The following BBOX1 variants were observed in gnomAD, a reference collection of about 807,000 sequenced individuals.
BBOX1 encodes the protein gamma-butyrobetaine hydroxylase 1, also known as gamma-butyrobetaine dioxygenase.
In BBOX1, 35 loss-of-function variants were observed where a neutral mutation model predicts 41.6. The ratio of observed to expected loss-of-function variants is 0.84; its 90% CI spans 0.64 to 1.11. The LOEUF is 1.11. Among genes scored for constraint, BBOX1 ranks in the 50% most tolerant of loss-of-function variants. The pLI, the probability that BBOX1 is intolerant of heterozygous loss-of-function variation, is 0.00. For missense variants in BBOX1, 458 were observed against 460.6 expected, an observed-to-expected ratio of 0.99 and a Z score of 0.05; for synonymous variants, 163 against 154.7, an observed-to-expected ratio of 1.05 and a Z score of -0.40.
intron 2 of BBOX1, among the ~76,000 whole-genome samples, chr11:27,043,459 C>CAGAATGTGCAGGTTCGGGGTACAT (rs1564948369): frequency 6.6e-6 from 1 of 151,306 alleles, no homozygotes; most frequent in Non-Finnish European, 1.5e-5. Context: ...TTGGGGTACA[C>CAGAATGTGCAGGTTCGGGGTACAT]GTGCAGAATG....
At chr11:27,084,664 C>G (rs7930844) in intron 4 of BBOX1, among the ~76,000 whole-genome samples, 92,110 of 151,976 alleles carry the variant, frequency 0.61, 30,250 homozygotes, top group East Asian at 0.94. Context: ...TGCAGGTGGA[C>G]AGAAGGTCCT....
intron 4 of BBOX1, among the ~76,000 whole-genome samples, chr11:27,077,551 T>C (rs10767603): frequency 0.6 from 89,254 of 149,842 alleles, 29,288 homozygotes; most frequent in East Asian, 0.94. Flanking sequence ...AGTGTGAATC[T>C]CTACACACTA....
Position 27,127,515 on chromosome 11 carries a change from T to A in BBOX1, c.*62T>A. On this transcript the variant is annotated 3_prime_UTR_variant, in exon 9 of 9. Transcript: ENST00000263182. ...CCATATTTTGTGAGATATGGCACAT[T>A]ATTCACAGACCATGATCTTTGTGAT... 6.6e-7 allele frequency: 1 copy of A among 1,509,270 alleles called. No homozygotes were observed. Among genetic ancestry groups the A allele is most frequent in the Non-Finnish European group, 9.0e-7 (1 of 1,114,468 alleles). 93.5% of individuals were successfully genotyped at this position (1,509,270 alleles called of 1,614,324 possible). A position where few individuals can be genotyped will look rare whatever the true frequency, so the allele number is the denominator to read the frequency against.
chr11:27,057,454 G>C (rs1390109694), intron 4 of BBOX1, 139 bp downstream of exon 4: 1 of 665,676 alleles, frequency 1.5e-6, no homozygotes, highest in African/African-American at 1.9e-5. Context: ...TGTATTTAAA[G>C]TTTTACCGAC....
intron 2 of BBOX1, among the ~76,000 whole-genome samples, chr11:27,044,921 T>G (rs995834417): frequency 2.6e-5 from 4 of 152,182 alleles, no homozygotes; most frequent in Non-Finnish European, 1.5e-5. Flanking sequence ...GGCTCTTTTT[T>G]GGTTCCACAT....
intron 4 of BBOX1, among the ~76,000 whole-genome samples, chr11:27,092,572 G>A (rs1258459904): frequency 6.6e-6 from 1 of 151,900 alleles, no homozygotes; most frequent in Non-Finnish European, 1.5e-5. Context: ...CCTTATCTGT[G>A]TGGCGCTCCC....
At chr11:27,064,441 A>G (rs1187701809) in intron 4 of BBOX1, among the ~76,000 whole-genome samples, 1 of 152,186 alleles carries the variant, frequency 6.6e-6, no homozygotes, top group Non-Finnish European at 1.5e-5. Context: ...ATGTTTAAGA[A>G]GCATGTCTTT....
intron 5 of BBOX1, among the ~76,000 whole-genome samples, chr11:27,104,515 A>G (rs1858788192): frequency 6.6e-6 from 1 of 152,148 alleles, no homozygotes; most frequent in Non-Finnish European, 1.5e-5. Flanking sequence ...TTTCACCACT[A>G]TCATTTAAAC....
chr11:27,107,418 A>G (rs1858909517), intron 5 of BBOX1, among the ~76,000 whole-genome samples: 1 of 152,122 alleles, frequency 6.6e-6, no homozygotes, highest in African/African-American at 2.4e-5. Flanking sequence ...TTAAAACAGC[A>G]TCTATGATAA....
At chr11:27,045,438 T>A (rs985783916) in intron 2 of BBOX1, among the ~76,000 whole-genome samples, 3 of 152,212 alleles carry the variant, frequency 2.0e-5, no homozygotes, top group Non-Finnish European at 2.9e-5. Flanking sequence ...TCTTGACTGA[T>A]CACCCTGGCC....
At chr11:27,101,395 C>A (rs901747454) in intron 5 of BBOX1, among the ~76,000 whole-genome samples, 42 of 152,180 alleles carry the variant, frequency 2.8e-4, no homozygotes, top group Admixed American at 8.5e-4. Flanking sequence ...AAAACTAATA[C>A]CCAATTCTTG....
Position 27,097,324 on chromosome 11 carries a change from GAAACAGTTATTGT to G in BBOX1, c.533+3963_533+3975del, listed in dbSNP as rs1167455386. On this transcript the variant is annotated intron_variant, in intron 5 of 8. Coordinates refer to ENST00000263182, the MANE Select transcript of BBOX1 (RefSeq NM_003986.3). ...TTTATGACATGACTTAATCCATTGGGAAACAGTTATTGTAAACTACATTCTATCATACACTGTC... is the reference window on the plus strand; with the variant it reads ...TTTATGACATGACTTAATCCATTGGGAAACTACATTCTATCATACACTGTC... Among the ~76,000 whole-genome samples, 3 of 151,976 alleles carry G rather than the reference GAAACAGTTATTGT, an allele frequency of 2.0e-5. No homozygotes were observed. In the South Asian group the frequency reaches 6.2e-4, roughly 32 times the overall value.
chr11:27,094,558 A>G (rs1392583573), intron 5 of BBOX1, among the ~76,000 whole-genome samples: 1 of 151,980 alleles, frequency 6.6e-6, no homozygotes, highest in African/African-American at 2.4e-5. Context: ...CCAACAATCT[A>G]CTGGATACAA....
At chr11:27,043,757 T>C (rs577655321) in intron 2 of BBOX1, among the ~76,000 whole-genome samples, 1 of 151,004 alleles carries the variant, frequency 6.6e-6, no homozygotes, top group East Asian at 1.9e-4. Context: ...TCCATGTCCC[T>C]GCGGAGGACA....
chr11:27,076,462 G>T (rs1857634229), intron 4 of BBOX1, among the ~76,000 whole-genome samples: 1 of 152,192 alleles, frequency 6.6e-6, no homozygotes, highest in Non-Finnish European at 1.5e-5. Flanking sequence ...CTTGAGCACT[G>T]TGTTATTCTA....
chr11:27,092,192 G>A (rs1209697384), intron 4 of BBOX1, among the ~76,000 whole-genome samples: 1 of 151,750 alleles, frequency 6.6e-6, no homozygotes, highest in Non-Finnish European at 1.5e-5. Context: ...TTAAACAGGG[G>A]GCTTTATTTT....
intron 4 of BBOX1, among the ~76,000 whole-genome samples, chr11:27,059,499 A>G (rs554259438): frequency 7.2e-5 from 11 of 152,328 alleles, no homozygotes; most frequent in African/African-American, 2.6e-4. Flanking sequence ...TAGAGTCCTC[A>G]CTGGGGCACT....
chr11:27,057,521 GAGAA>G (rs1031854849), intron 4 of BBOX1: 5 of 490,442 alleles, frequency 1.0e-5, no homozygotes, highest in Non-Finnish European at 1.8e-5. Context: ...ACATTCTACA[GAGAA>G]AGAAACAAAA....
intron 6 of BBOX1, 144 bp downstream of exon 6, chr11:27,115,701 C>G: frequency 1.7e-6 from 1 of 577,776 alleles, no homozygotes; most frequent in African/African-American, 1.9e-5. Context: ...CTCACAAAAT[C>G]TCTGTACCTA....
Sources: allele counts gnomAD v4.1 joint callset (sites outside exome capture counted in the v4.1 genomes callset), GRCh38; gene constraint gnomAD v4.1.1; transcripts MANE v1.5; gene names NCBI Gene and HGNC (gene_info 2026-07-23, HGNC 2026-07-21).